The following PCDHGA5 variants were observed in gnomAD, a reference collection of about 807,000 sequenced individuals.
PCDHGA5 encodes the protein protocadherin gamma subfamily A, 5.
Under a neutral mutation model 56.7 loss-of-function variants are expected in PCDHGA5, and 36 were observed. The ratio of observed to expected loss-of-function variants is 0.64; its 90% CI spans 0.49 to 0.84. The LOEUF (loss-of-function observed/expected upper bound fraction) is 0.84, where lower values mean the gene tolerates loss of function less well. PCDHGA5 is among the 40% of genes least tolerant of loss of function. The pLI, the probability that PCDHGA5 is intolerant of heterozygous loss-of-function variation, is 0.00. For missense variants in PCDHGA5, 1,305 were observed against 1,201.5 expected (o/e 1.09, Z -1.27); for synonymous variants, 563 against 520.2 (o/e 1.08, Z -1.12).
At position 141,409,826 on chromosome 5, in the gene PCDHGA5, C is replaced by T. The variant is rs565116840; in HGVS notation, c.2421+43075C>T. 14 of 1,611,108 alleles carry T rather than the reference C, an allele frequency of 8.7e-6. No homozygotes were observed. The highest frequency in any genetic ancestry group is 1.3e-5 in the African/African-American group (1 of 75,000). On this transcript the variant is annotated intron_variant, in intron 1 of 3. Coordinates refer to ENST00000518069, the MANE Select transcript of PCDHGA5 (RefSeq NM_018918.3). ...GGCCCGCGACCACGGCTCGCCCACG[C>T]TCAGCGCCAACGTGAGCCTGCGCGT...
Position 141,491,244 on chromosome 5 carries a change from T to A in PCDHGA5, c.2422-3563T>A. 1 of 1,614,210 alleles carries A rather than the reference T, an allele frequency of 6.2e-7. No individual in the cohort carries two copies. Among genetic ancestry groups the A allele is most frequent in the Non-Finnish European group, 8.5e-7 (1 of 1,180,024 alleles). On this transcript the variant is annotated intron_variant, in intron 1 of 3. Coordinates refer to ENST00000518069, the MANE Select transcript of PCDHGA5 (RefSeq NM_018918.3). This position sits in a 1 kb window ranked among gnomAD's most constrained non-coding sequence, Gnocchi z 6.9. ...CCACAGTGCTGCTGGTTCTGGAGGA[T>A]GAGGACCCTGAGGAAATGCCCAAAT...
At position 141,390,084 on chromosome 5, in the gene PCDHGA5, G is replaced by A. The variant is rs755692863; in HGVS notation, c.2421+23333G>A. Reference sequence around the variant, plus strand: ...CCAGCCTGGTCTCTGTGTTAAATCCGAATCCGTGGTTCCCCCCAACTACAG... The same window carrying A: ...CCAGCCTGGTCTCTGTGTTAAATCCAAATCCGTGGTTCCCCCCAACTACAG... On this transcript the variant is annotated intron_variant, in intron 1 of 3. Transcript: ENST00000518069. 8 of 1,613,954 alleles carry A rather than the reference G, an allele frequency of 5.0e-6. No homozygotes were observed. In the African/African-American group the frequency reaches 9.3e-5, roughly 19 times the overall value.
chr5:141,414,965 C>T lies in PCDHGA5; in HGVS notation c.2421+48214C>T, dbSNP rs564450666. On this transcript the variant is annotated intron_variant, in intron 1 of 3. Coordinates refer to ENST00000518069, the MANE Select transcript of PCDHGA5 (RefSeq NM_018918.3). ...GGCTACCTGGTGACCAAGGTGGTGG[C>T]GGTGGACAGAGACTCCGGCCAGAAC... The T allele has an allele frequency of 7.9e-5, 127 of 1,613,962 alleles. No homozygotes were observed. The highest frequency in any genetic ancestry group is 7.7e-5 in the Non-Finnish European group (91 of 1,180,046).
intron 2 of PCDHGA5, among the ~76,000 whole-genome samples, chr5:141,504,039 AC>A (rs1396515708): frequency 6.6e-6 from 1 of 152,184 alleles, no homozygotes; most frequent in African/African-American, 2.4e-5. Context: ...CATTTAGGCA[AC>A]AAATATTTAT....
intron 1 of PCDHGA5, chr5:141,389,769 G>A (rs2091901102): frequency 3.1e-6 from 5 of 1,612,950 alleles, no homozygotes; most frequent in Non-Finnish European, 4.2e-6. Context: ...CACAGCGCGT[G>A]CCTTAGGCGA....
intron 1 of PCDHGA5, chr5:141,375,942 G>A (rs1772069544): frequency 1.2e-6 from 2 of 1,613,400 alleles, no homozygotes; most frequent in African/African-American, 2.7e-5. Flanking sequence ...TTCTCAGTGG[G>A]CCTGCACACG....
At chr5:141,388,971 CAT>C (rs1456846164) in intron 1 of PCDHGA5, 3 of 1,613,890 alleles carry the variant, frequency 1.9e-6, no homozygotes, top group Non-Finnish European at 2.5e-6. Context: ...GCTGGGAACA[CAT>C]ATTGCTTTGC....
rs549842756 is a variant in PCDHGA5 at position 141,470,331 on chromosome 5, A to T, written c.2422-24476A>T. ...TTTCCTCAAATGATCCCATAATTTG[A>T]CCTTAGGAAGCTGTTCAAATAGACA... is the stretch of plus-strand genomic sequence containing the variant. On this transcript the variant is annotated intron_variant, in intron 1 of 3. Transcript: ENST00000518069. 3.3e-4 allele frequency among the ~76,000 whole-genome samples: 50 copies of T among 152,244 alleles called. 1 individual carries two copies. Among genetic ancestry groups the T allele is most frequent in the African/African-American group, 1.1e-3 (47 of 41,536 alleles).
At chr5:141,371,362 A>T in intron 1 of PCDHGA5, 3 of 1,614,014 alleles carry the variant, frequency 1.9e-6, no homozygotes, top group Non-Finnish European at 2.5e-6. Flanking sequence ...GAAGCAAAGG[A>T]TGGTGGACAT....
At chr5:141,466,716 T>A (rs2099127818) in intron 1 of PCDHGA5, among the ~76,000 whole-genome samples, 1 of 152,210 alleles carries the variant, frequency 6.6e-6, no homozygotes, top group South Asian at 2.1e-4. Flanking sequence ...TGTTCTTGTT[T>A]CCATTTTAGC....
chr5:141,376,559 C>T, intron 1 of PCDHGA5: 1 of 1,609,498 alleles, frequency 6.2e-7, no homozygotes, highest in Non-Finnish European at 8.5e-7. Flanking sequence ...TCCCGCAACC[C>T]AACTAATCAG....
Position 141,477,952 on chromosome 5 carries a change from A to C in PCDHGA5, c.2422-16855A>C, listed in dbSNP as rs907708638. The C allele has an allele frequency of 1.2e-6, 2 of 1,614,038 alleles. No individual in the cohort carries two copies. Among genetic ancestry groups the C allele is most frequent in the Non-Finnish European group, 1.7e-6 (2 of 1,180,002 alleles). Reference sequence around the variant, plus strand: ...CCTGGCTCTCCTACAGTCTCTTGGGATCCCCTAACCAGAGCCTTTTTGCCA... The same window carrying C: ...CCTGGCTCTCCTACAGTCTCTTGGGCTCCCCTAACCAGAGCCTTTTTGCCA... On this transcript the variant is annotated intron_variant, in intron 1 of 3. Coordinates refer to ENST00000518069, the MANE Select transcript of PCDHGA5 (RefSeq NM_018918.3). This position sits in a 1 kb window ranked among gnomAD's most constrained non-coding sequence, Gnocchi z 4.9.
intron 1 of PCDHGA5, chr5:141,399,529 G>C: frequency 6.2e-7 from 1 of 1,614,010 alleles, no homozygotes; most frequent in African/African-American, 1.3e-5. Context: ...GGCCTCCATC[G>C]CGCAAGTCTG....
intron 1 of PCDHGA5, chr5:141,400,141 A>G (rs763561348): frequency 1.9e-6 from 3 of 1,614,020 alleles, no homozygotes; most frequent in Non-Finnish European, 8.5e-7. Flanking sequence ...GCCGGATATC[A>G]CTGACCGCCC....
intron 1 of PCDHGA5, chr5:141,393,407 CG>C: frequency 5.0e-6 from 8 of 1,614,056 alleles, no homozygotes; most frequent in Non-Finnish European, 6.8e-6. Context: ...TGCTGGAGCG[CG>C]CCCTGGACAG....
intron 2 of PCDHGA5, among the ~76,000 whole-genome samples, chr5:141,502,056 C>T (rs1163976282): frequency 1.3e-5 from 2 of 152,116 alleles, no homozygotes; most frequent in Non-Finnish European, 2.9e-5. Flanking sequence ...CTACTTTATT[C>T]CCATTAGCCC....
chr5:141,476,966 G>A lies in PCDHGA5; in HGVS notation c.2422-17841G>A. ...CAACGGTGAAATTATTTACTCCTTC[G>A]GCAGCCACAACCGCGCCGGCGTGCG... On this transcript the variant is annotated intron_variant, in intron 1 of 3. Transcript: ENST00000518069. This position sits in a 1 kb window ranked among gnomAD's most constrained non-coding sequence, Gnocchi z 7.6. 1 of 1,614,152 alleles carries A rather than the reference G, an allele frequency of 6.2e-7. No individual in the cohort carries two copies. The highest frequency in any genetic ancestry group is 8.5e-7 in the Non-Finnish European group (1 of 1,180,032).
intron 1 of PCDHGA5, chr5:141,375,207 AC>A (rs775034160): frequency 9.3e-6 from 15 of 1,613,778 alleles, no homozygotes; most frequent in Non-Finnish European, 1.2e-5. Context: ...TTCGATCGAG[AC>A]TCTGGCCTGA....
intron 1 of PCDHGA5, chr5:141,407,933 TG>T: frequency 2.0e-6 from 1 of 505,054 alleles, no homozygotes; most frequent in Non-Finnish European, 3.4e-6. Flanking sequence ...ACGGAGCCTC[TG>T]GGCGCCGCTG....
Sources: allele counts gnomAD v4.1 joint callset (sites outside exome capture counted in the v4.1 genomes callset), GRCh38; gene constraint gnomAD v4.1.1; non-coding constraint Gnocchi (gnomAD v3.1); transcripts MANE v1.5; gene names NCBI Gene and HGNC (gene_info 2026-07-23, HGNC 2026-07-21).